Variants in RANGAP1 observed in about 807,000 individuals in gnomAD.
The protein encoded by RANGAP1 is Ran GTPase activating protein 1.
Under a neutral mutation model 63.5 loss-of-function variants are expected in RANGAP1, and 38 were observed. The ratio of observed to expected loss-of-function variants is 0.60; its 90% CI spans 0.46 to 0.78. The LOEUF (loss-of-function observed/expected upper bound fraction) is 0.78, where lower values mean the gene tolerates loss of function less well. Ranked by LOEUF, RANGAP1 falls within the 30% of genes least tolerant of loss-of-function variation. RANGAP1 has a pLI of 0.00. For synonymous variants in RANGAP1, 329 were observed against 310.5 expected (o/e 1.06, Z -0.63); for missense variants, 630 against 740.3 (o/e 0.85, Z 1.73).
intron 5 of RANGAP1, among the ~76,000 whole-genome samples, chr22:41,262,545 C>T (rs111806020): frequency 6.6e-6 from 1 of 152,188 alleles, no homozygotes; most frequent in African/African-American, 2.4e-5. Context: ...TTAGCAAAGC[C>T]GCACATGGCG....
At position 41,249,433 on chromosome 22, in the gene RANGAP1, C is replaced by G; in HGVS notation, c.1591G>C (p.Ala531Pro). 6.2e-7 allele frequency: 1 copy of G among 1,614,168 alleles called. No individual in the cohort carries two copies. Among genetic ancestry groups the G allele is most frequent in the South Asian group, 1.1e-5 (1 of 91,084 alleles). ...AGGGGGCCGTACAGGTTGGCAATGG[C>G]CTTGACCTTGTCTTCACTCTGAGAG... The part of the protein sequence containing the change: ...GLLKSEDKVK[A>P]IANLYGPLMA... The change falls in exon 15 of 16, where the codon GCC becomes CCC. Residue 531 changes from alanine (A) to proline (P), a missense_variant. Physicochemically the swap from Ala to Pro is conservative, Grantham distance 27. This residue lies in a region of RANGAP1 where 428 missense variants were observed against 465.5 expected (regional missense o/e 0.92). Coordinates refer to ENST00000356244, the MANE Select transcript of RANGAP1 (RefSeq NM_002883.4).
rs2032945434 is a variant in RANGAP1 at position 41,244,886 on chromosome 22, G to A, written c.*1717C>T. Among the ~76,000 whole-genome samples the A allele has an allele frequency of 6.6e-6, 1 of 152,138 alleles. No individual in the cohort carries two copies. Among genetic ancestry groups the A allele is most frequent in the Non-Finnish European group, 1.5e-5 (1 of 68,032 alleles). Reference sequence around the variant, plus strand: ...TCCAGAACATCTTCATCATCCCAGAGAATCTGTTTGCAGCCTCACTCCCTA... The same window carrying A: ...TCCAGAACATCTTCATCATCCCAGAAAATCTGTTTGCAGCCTCACTCCCTA... On this transcript the variant is annotated 3_prime_UTR_variant, in exon 16 of 16. Coordinates refer to ENST00000356244, the MANE Select transcript of RANGAP1 (RefSeq NM_002883.4).
At chr22:41,294,817 A>C in the RANGAP1 span, among the ~76,000 whole-genome samples, 11 of 82,574 alleles carry the variant, frequency 1.3e-4, no homozygotes, top group East Asian at 3.6e-4. Flanking sequence ...TCCGCCCAGC[A>C]GCCACCCCGT....
chr22:41,292,095 C>T, the RANGAP1 span, among the ~76,000 whole-genome samples: 1 of 151,404 alleles, frequency 6.6e-6, no homozygotes, highest in Admixed American at 6.6e-5. Flanking sequence ...TGCCACCATG[C>T]CTGGCTAATT....
chr22:41,261,412 G>A, intron 6 of RANGAP1, 34 bp downstream of exon 6: 1 of 1,613,734 alleles, frequency 6.2e-7, no homozygotes, highest in South Asian at 1.1e-5. Flanking sequence ...TGCACCTCAA[G>A]GCTGCAGGGG....
the RANGAP1 span, among the ~76,000 whole-genome samples, chr22:41,295,446 G>A: frequency 6.6e-6 from 1 of 152,128 alleles, no homozygotes; most frequent in Non-Finnish European, 1.5e-5. Flanking sequence ...ACTCAGGGCT[G>A]AATGGATTAA....
At chr22:41,249,613 C>T (rs1236245475) in intron 14 of RANGAP1, 116 bp downstream of exon 14, 109 of 1,524,662 alleles carry the variant, frequency 7.1e-5, no homozygotes, top group African/African-American at 1.5e-4. Flanking sequence ...CTCGGGGCCC[C>T]GTGGGCGAGC....
At chr22:41,281,585 G>A in intron 1 of RANGAP1, 2 of 987,914 alleles carry the variant, frequency 2.0e-6, no homozygotes, top group Non-Finnish European at 2.4e-6. Flanking sequence ...ACTCTGGGGT[G>A]GGGCACAGGG....
At chr22:41,253,117 A>G (rs1169731454) in intron 11 of RANGAP1, 126 bp from the exon 12 acceptor site, 2 of 1,023,836 alleles carry the variant, frequency 2.0e-6, no homozygotes, top group Non-Finnish European at 2.6e-6. Flanking sequence ...AAAGTCTAGA[A>G]TTCTTCCTCC....
In RANGAP1 at chr22:41,256,297, A is replaced by G. The variant is rs764519463; in HGVS notation, c.889-7T>C. 7 of 1,613,742 alleles carry G rather than the reference A, an allele frequency of 4.3e-6. No individual in the cohort carries two copies. Among genetic ancestry groups the G allele is most frequent in the African/African-American group, 4.0e-5 (3 of 74,912 alleles). ...AGAATGACAAGTTCAGCTCCTGAAA[A>G]TAAGAGGAAGGGTTGGAGGCAGGCA... On this transcript the variant is annotated splice_region_variant and splice_polypyrimidine_tract_variant and intron_variant, in intron 8 of 15. Coordinates refer to ENST00000356244, the MANE Select transcript of RANGAP1 (RefSeq NM_002883.4).
chr22:41,274,009 C>T (rs8141201), intron 3 of RANGAP1, among the ~76,000 whole-genome samples: 2 of 152,092 alleles, frequency 1.3e-5, no homozygotes, highest in African/African-American at 4.8e-5. Context: ...ACCCAGGAGG[C>T]GGAGATTGCA....
chr22:41,279,895 C>T (rs976385755), intron 2 of RANGAP1, among the ~76,000 whole-genome samples: 17 of 151,192 alleles, frequency 1.1e-4, no homozygotes, highest in African/African-American at 4.9e-5. Flanking sequence ...ATGAGGAGTT[C>T]GAGAGCATCC....
At chr22:41,267,411 C>A (rs967494382) in intron 4 of RANGAP1, among the ~76,000 whole-genome samples, 3 of 152,152 alleles carry the variant, frequency 2.0e-5, no homozygotes, top group African/African-American at 7.2e-5. Flanking sequence ...ACACTCATCA[C>A]TGACCAGAAA....
chr22:41,247,522 T>G (rs1042454140), intron 15 of RANGAP1, among the ~76,000 whole-genome samples: 3 of 152,114 alleles, frequency 2.0e-5, no homozygotes, highest in African/African-American at 7.2e-5. Flanking sequence ...CGGCTAACTT[T>G]GTATTTTTTG....
the RANGAP1 span, among the ~76,000 whole-genome samples, chr22:41,298,646 T>G: frequency 6.6e-6 from 1 of 152,050 alleles, no homozygotes; most frequent in African/African-American, 2.4e-5. Flanking sequence ...ATTACGGGCA[T>G]TAGCCACCAC....
the RANGAP1 span, among the ~76,000 whole-genome samples, chr22:41,292,746 AAAATAAAT>A: frequency 6.6e-6 from 1 of 152,040 alleles, no homozygotes; most frequent in Non-Finnish European, 1.5e-5. Flanking sequence ...ACTCCGTCTC[AAAATAAAT>A]AAATAAATAA....
rs1408622758 is a variant in RANGAP1, at chr22:41,246,646, G to A, written c.1721C>T (p.Ser574Phe). 2.6e-6 allele frequency: 4 copies of A among 1,562,260 alleles called. No individual in the cohort carries two copies. Among genetic ancestry groups the A allele is most frequent in the East Asian group, 2.4e-5 (1 of 42,322 alleles). Residue 574 changes from serine (S) to phenylalanine (F), a missense_variant, in exon 16 of 16, where the codon TCC becomes TTC. Physicochemically the swap from Ser to Phe is radical, Grantham distance 155. Transcript: ENST00000356244. ...CTGCAGCAGACTGTGGCGGGCGAAG[G>A]AGCAGGATTCCAGGGCGCTGTTGGG... ...TKPNSALESC[S>F]FARHSLLQTL...
intron 10 of RANGAP1, 36 bp downstream of exon 10, chr22:41,255,985 T>C (rs1475022083): frequency 1.3e-6 from 2 of 1,585,176 alleles, no homozygotes; most frequent in South Asian, 2.2e-5. Flanking sequence ...AGGAATGGCC[T>C]GACCCCGACC....
At chr22:41,260,517 C>T (rs2034104185) in intron 6 of RANGAP1, among the ~76,000 whole-genome samples, 1 of 152,186 alleles carries the variant, frequency 6.6e-6, no homozygotes, top group Non-Finnish European at 1.5e-5. Context: ...ATGAGCAATG[C>T]TCCTAGGATA....
Sources: gnomAD v4.1 joint callset for allele counts (sites outside exome capture counted in the v4.1 genomes callset) on GRCh38, gnomAD v4.1.1 for gene constraint, gnomAD v4.1.1 regional missense constraint, MANE v1.5 for transcripts, NCBI Gene and HGNC (gene_info 2026-07-23, HGNC 2026-07-21) for gene names.